Variants in SLC24A2 observed in about 807,000 individuals in gnomAD.
SLC24A2 encodes the protein solute carrier family 24 member 2.
In SLC24A2, 36 loss-of-function variants were observed where a neutral mutation model predicts 62.0. The observed-to-expected ratio is 0.58, with a 90% CI of 0.44 to 0.77. The LOEUF (loss-of-function observed/expected upper bound fraction) is 0.77, where lower values mean the gene tolerates loss of function less well. Ranked by LOEUF, SLC24A2 falls within the 30% of genes least tolerant of loss-of-function variation. SLC24A2 has a pLI of 0.00. For synonymous variants in SLC24A2, 358 were observed against 294.0 expected (o/e 1.22, Z -2.23); for missense variants, 846 against 817.9 (o/e 1.03, Z -0.42).
At chr9:20,257,104 C>G in the SLC24A2 span, among the ~76,000 whole-genome samples, 192 of 152,276 alleles carry the variant, frequency 1.3e-3, 4 homozygotes, top group East Asian at 0.029. Flanking sequence ...CACTATCAAT[C>G]TGTTTTTAAA....
chr9:19,573,525 CACACAGAGAGAGAG>C (rs1332570216), intron 6 of SLC24A2, 56 bp from the exon 7 acceptor site: 14 of 361,054 alleles, frequency 3.9e-5, no homozygotes, highest in African/African-American at 3.5e-4. Flanking sequence ...CACACACACA[CACACAGAGAGAGAG>C]AGAGAGAGAG....
At chr9:19,714,536 C>T (rs1820803360) in intron 2 of SLC24A2, among the ~76,000 whole-genome samples, 1 of 152,192 alleles carries the variant, frequency 6.6e-6, no homozygotes, top group Non-Finnish European at 1.5e-5. Flanking sequence ...GTGATTTGTA[C>T]AGTCAGCCAT....
chr9:20,000,620 G>A, the SLC24A2 span, among the ~76,000 whole-genome samples: 1 of 152,298 alleles, frequency 6.6e-6, no homozygotes, highest in Admixed American at 6.5e-5. Context: ...CACGACACAT[G>A]GATCTCTTCT....
the SLC24A2 span, among the ~76,000 whole-genome samples, chr9:19,959,993 A>G: frequency 6.6e-6 from 1 of 152,218 alleles, no homozygotes; most frequent in Non-Finnish European, 1.5e-5. Flanking sequence ...TTCATAGAAA[A>G]GGCTCAAGGA....
Position 19,528,140 on chromosome 9 carries a change from T to G in SLC24A2, c.1480-2A>C. On this transcript the variant is annotated splice_acceptor_variant, in intron 8 of 10. Coordinates refer to ENST00000341998, the MANE Select transcript of SLC24A2 (RefSeq NM_020344.4). LOFTEE classifies it high-confidence loss of function. ...GATGGGAAAAAACTTCCTCGATGAC[T>G]GAAAGACAACCAGGAAGAGTTGAGA... 6.4e-7 allele frequency: 1 copy of G among 1,564,514 alleles called. No individual in the cohort carries two copies. Among genetic ancestry groups the G allele is most frequent in the Non-Finnish European group, 8.7e-7 (1 of 1,147,524 alleles).
chr9:20,267,051 A>G, the SLC24A2 span, among the ~76,000 whole-genome samples: 1 of 140,430 alleles, frequency 7.1e-6, no homozygotes, highest in East Asian at 2.3e-4. Context: ...ACCATCTCTT[A>G]AGAAATGAAA....
chr9:20,252,395 G>A, the SLC24A2 span, among the ~76,000 whole-genome samples: 1 of 152,184 alleles, frequency 6.6e-6, no homozygotes, highest in Admixed American at 6.5e-5. Flanking sequence ...AACCAGCTGA[G>A]CACTGTGTCT....
intron 5 of SLC24A2, among the ~76,000 whole-genome samples, chr9:19,580,465 C>T (rs930715632): frequency 6.6e-6 from 1 of 152,172 alleles, no homozygotes; most frequent in African/African-American, 2.4e-5. Context: ...TTGAGAAATG[C>T]TGTGAGGATG....
chr9:19,883,972 C>T, the SLC24A2 span, among the ~76,000 whole-genome samples: 5 of 152,308 alleles, frequency 3.3e-5, no homozygotes, highest in South Asian at 1.0e-3. Context: ...TCTCAGGTCT[C>T]AGTCTTTGAC....
At chr9:20,210,902 A>G in the SLC24A2 span, among the ~76,000 whole-genome samples, 22 of 151,960 alleles carry the variant, frequency 1.4e-4, no homozygotes, top group Non-Finnish European at 2.9e-4. Context: ...TATCATCACA[A>G]TCCCACTGCT....
chr9:20,082,622 A>G, the SLC24A2 span, among the ~76,000 whole-genome samples: 2 of 152,146 alleles, frequency 1.3e-5, no homozygotes, highest in African/African-American at 4.8e-5. Context: ...GTGAGATGTA[A>G]ATGTTCTTGT....
intron 2 of SLC24A2, among the ~76,000 whole-genome samples, chr9:19,677,963 C>T (rs973128265): frequency 6.6e-6 from 1 of 152,072 alleles, no homozygotes; most frequent in Non-Finnish European, 1.5e-5. Flanking sequence ...GAGCCAGGTT[C>T]CAGGCATCAG....
At chr9:20,206,682 A>G in the SLC24A2 span, among the ~76,000 whole-genome samples, 1 of 152,002 alleles carries the variant, frequency 6.6e-6, no homozygotes, top group African/African-American at 2.4e-5. Flanking sequence ...GGGTTTCACC[A>G]TGTTGGTCAT....
At chr9:19,998,869 C>G in the SLC24A2 span, among the ~76,000 whole-genome samples, 6 of 152,196 alleles carry the variant, frequency 3.9e-5, no homozygotes, top group Non-Finnish European at 7.3e-5. Flanking sequence ...TCATGTTCAA[C>G]GGCAGCCCTG....
chr9:20,211,802 A>G, the SLC24A2 span, among the ~76,000 whole-genome samples: 1 of 152,218 alleles, frequency 6.6e-6, no homozygotes, highest in Admixed American at 6.5e-5. Context: ...TATGTCTTAA[A>G]TAAGGAGTCT....
At chr9:19,982,674 A>T in the SLC24A2 span, among the ~76,000 whole-genome samples, 1 of 152,204 alleles carries the variant, frequency 6.6e-6, no homozygotes, top group South Asian at 2.1e-4. Context: ...AACACTTCCT[A>T]ACTTATTCTA....
At chr9:20,199,432 G>A in the SLC24A2 span, among the ~76,000 whole-genome samples, 10 of 152,226 alleles carry the variant, frequency 6.6e-5, no homozygotes, top group East Asian at 1.9e-3. Flanking sequence ...AATATCAGAT[G>A]GACTTTGCTT....
At chr9:19,867,867 C>T in the SLC24A2 span, among the ~76,000 whole-genome samples, 1 of 152,122 alleles carries the variant, frequency 6.6e-6, no homozygotes, top group African/African-American at 2.4e-5. Context: ...AAGATTGCCC[C>T]ACTGCCCTCC....
At chr9:19,727,119 G>T (rs759826713) in intron 2 of SLC24A2, among the ~76,000 whole-genome samples, 4 of 152,152 alleles carry the variant, frequency 2.6e-5, no homozygotes, top group Admixed American at 6.6e-5. Context: ...AAAGAAAGCA[G>T]TTCTGTGTCT....
Sources: gnomAD v4.1 joint callset for allele counts (sites outside exome capture counted in the v4.1 genomes callset) on GRCh38, gnomAD v4.1.1 for gene constraint, MANE v1.5 for transcripts, NCBI Gene and HGNC (gene_info 2026-07-23, HGNC 2026-07-21) for gene names.